RGS20: variants seen among roughly 807,000 people sequenced by gnomAD.
The protein encoded by RGS20 is gz-selective GTPase-activating protein.
In RGS20, 30 loss-of-function variants were observed where a neutral mutation model predicts 33.6. The ratio of observed to expected loss-of-function variants is 0.89; its 90% CI spans 0.67 to 1.21. RGS20 has a LOEUF of 1.21. Ranked by LOEUF, RGS20 falls within the 50% of genes most tolerant of loss-of-function variation. The pLI, the probability that RGS20 is intolerant of heterozygous loss-of-function variation, is 0.00. For synonymous variants in RGS20, 208 were observed against 197.9 expected, an observed-to-expected ratio of 1.05 and a Z score of -0.43; for missense variants, 472 against 502.4, an observed-to-expected ratio of 0.94 and a Z score of 0.58.
At chr8:53,861,844 C>T (rs1006439261) in intron 1 of RGS20, among the ~76,000 whole-genome samples, 2 of 152,148 alleles carry the variant, frequency 1.3e-5, no homozygotes, top group Non-Finnish European at 1.5e-5. Context: ...ATACCTGCAC[C>T]TGATTATTTT....
rs548213612 is a variant in RGS20, at chr8:53,939,666, G to A, written c.601G>A (p.Gly201Arg). ...CGCCGCCCCAGGCCAGCCCGGAGCG[G>A]GGAGTCGCGGGTCCAACGCATGCTG... The change falls in exon 3 of 6, where the codon GGG becomes AGG. Residue 201 changes from glycine (G) to arginine (R), a missense_variant. Gly to Arg is a moderately radical substitution (Grantham distance 125, BLOSUM62 -2). Around this residue, in one of 3 missense-constraint regions of RGS20, gnomAD observed 319 missense variants for 283.4 expected, o/e 1.13. Coordinates refer to ENST00000297313, the MANE Select transcript of RGS20 (RefSeq NM_170587.4). 5.7e-6 allele frequency: 9 copies of A among 1,581,942 alleles called. No homozygotes were observed. In the East Asian group the frequency reaches 1.4e-4, roughly 24 times the overall value.
chr8:53,895,549 G>C (rs1812833540), intron 2 of RGS20, among the ~76,000 whole-genome samples: 1 of 152,076 alleles, frequency 6.6e-6, no homozygotes, highest in African/African-American at 2.4e-5. Flanking sequence ...AAGAATTTCT[G>C]TTTATGACAG....
chr8:53,886,369 G>T (rs1260794879), intron 2 of RGS20, among the ~76,000 whole-genome samples: 3 of 152,164 alleles, frequency 2.0e-5, no homozygotes, highest in African/African-American at 7.2e-5. Context: ...AGATTACCTT[G>T]ATTCTAATCC....
At chr8:53,899,895 G>A (rs1455220690) in intron 2 of RGS20, among the ~76,000 whole-genome samples, 1 of 152,136 alleles carries the variant, frequency 6.6e-6, no homozygotes, top group South Asian at 2.1e-4. Flanking sequence ...ACCACTCACC[G>A]CCCTCAGCAG....
intron 5 of RGS20, 26 bp downstream of exon 4, chr8:53,954,336 C>A: frequency 6.8e-7 from 1 of 1,460,064 alleles, no homozygotes; most frequent in Non-Finnish European, 9.6e-7. Flanking sequence ...ATGCCTTTTC[C>A]CAAGGCTGTT....
chr8:53,944,363 C>T (rs935426490), intron 3 of RGS20, among the ~76,000 whole-genome samples: 10 of 152,066 alleles, frequency 6.6e-5, no homozygotes, highest in Non-Finnish European at 1.5e-4. Context: ...CATAGTGAAA[C>T]CCCGTCTCTA....
chr8:53,888,507 G>C (rs1018788249), intron 2 of RGS20, among the ~76,000 whole-genome samples: 1 of 152,062 alleles, frequency 6.6e-6, no homozygotes, highest in Non-Finnish European at 1.5e-5. Context: ...TCCTTATTGA[G>C]GGGGGCTGTC....
At chr8:53,924,940 G>A (rs1457733184) in intron 2 of RGS20, among the ~76,000 whole-genome samples, 2 of 152,156 alleles carry the variant, frequency 1.3e-5, no homozygotes, top group Non-Finnish European at 2.9e-5. Flanking sequence ...CCATCATAAG[G>A]AAGAGGAGAT....
intron 1 of RGS20, among the ~76,000 whole-genome samples, chr8:53,872,080 C>T (rs1248204715): frequency 2.6e-5 from 4 of 152,182 alleles, no homozygotes; most frequent in East Asian, 1.9e-4. Flanking sequence ...GTAAGCCATT[C>T]AACTGCTCAA....
intron 2 of RGS20, among the ~76,000 whole-genome samples, chr8:53,923,915 G>A (rs1813720188): frequency 6.6e-6 from 1 of 151,874 alleles, no homozygotes; most frequent in Non-Finnish European, 1.5e-5. Context: ...TATTATTTGA[G>A]CATCGCAACT....
intron 2 of RGS20, among the ~76,000 whole-genome samples, chr8:53,910,665 C>T (rs775706666): frequency 2.4e-4 from 37 of 152,134 alleles, no homozygotes; most frequent in Non-Finnish European, 4.4e-4. Context: ...TTCATAAGCA[C>T]CCAAAACAGG....
Position 53,875,513 on chromosome 8 carries a change from A to G in RGS20, c.166-3745A>G, listed in dbSNP as rs192609141. 2.0e-3 allele frequency among the ~76,000 whole-genome samples: 302 copies of G among 152,094 alleles called. 12 individuals are homozygous for G. The highest frequency in any genetic ancestry group is 2.0e-3 in the Non-Finnish European group (136 of 67,996). ...ACCCTAAGTCCCTTACTTGGCTAGT[A>G]ATACCTATGGCGAGAACAGAGGACC... On this transcript the variant is annotated intron_variant, in intron 1 of 5. Coordinates refer to ENST00000297313, the MANE Select transcript of RGS20 (RefSeq NM_170587.4).
intron 2 of RGS20, among the ~76,000 whole-genome samples, chr8:53,909,551 G>A (rs2129283226): frequency 6.6e-6 from 1 of 151,994 alleles, no homozygotes; most frequent in African/African-American, 2.4e-5. Flanking sequence ...ACCACACCCA[G>A]CCCCTTATGC....
At position 53,851,855 on chromosome 8, in the gene RGS20, G is replaced by T; in HGVS notation, c.-45G>T. Reference sequence around the variant, plus strand: ...AGAGTGGATCCTGTGCTAATATTGGGAAAACCAGGCAACAGGACTCATTTG... The same window carrying T: ...AGAGTGGATCCTGTGCTAATATTGGTAAAACCAGGCAACAGGACTCATTTG... On this transcript the variant is annotated 5_prime_UTR_variant, in exon 1 of 6. Coordinates refer to ENST00000297313, the MANE Select transcript of RGS20 (RefSeq NM_170587.4). 6.3e-7 allele frequency: 1 copy of T among 1,596,272 alleles called. No homozygotes were observed. The highest frequency in any genetic ancestry group is 1.1e-5 in the South Asian group (1 of 89,092).
chr8:53,878,258 C>T (rs1812253209), intron 1 of RGS20, among the ~76,000 whole-genome samples: 2 of 152,124 alleles, frequency 1.3e-5, no homozygotes, highest in South Asian at 4.1e-4. Flanking sequence ...AAACTAAGAG[C>T]GTCTCAAAGA....
chr8:53,946,464 C>A, intron 3 of RGS20: 1 of 623,502 alleles, frequency 1.6e-6, no homozygotes, highest in Non-Finnish European at 2.9e-6. Flanking sequence ...GTAGAAACCA[C>A]AACGTTTATT....
At chr8:53,904,664 A>ATACT (rs1208418648) in intron 2 of RGS20, among the ~76,000 whole-genome samples, 2 of 152,188 alleles carry the variant, frequency 1.3e-5, no homozygotes, top group African/African-American at 4.8e-5. Flanking sequence ...CAAGTGTTTA[A>ATACT]TACTTTCAGA....
intron 1 of RGS20, among the ~76,000 whole-genome samples, chr8:53,860,129 C>T (rs921593432): frequency 5.3e-5 from 8 of 152,100 alleles, no homozygotes; most frequent in Non-Finnish European, 8.8e-5. Flanking sequence ...TTTTACAGCT[C>T]CTGCATTTCA....
At chr8:53,922,048 T>G (rs188181138) in intron 2 of RGS20, among the ~76,000 whole-genome samples, 2 of 152,280 alleles carry the variant, frequency 1.3e-5, no homozygotes, top group East Asian at 3.9e-4. Context: ...CCTCTATTCA[T>G]ATGCTTGTTG....
Sources: gnomAD v4.1 joint callset for allele counts (sites outside exome capture counted in the v4.1 genomes callset) on GRCh38, gnomAD v4.1.1 for gene constraint, gnomAD v4.1.1 regional missense constraint, MANE v1.5 for transcripts, NCBI Gene and HGNC (gene_info 2026-07-23, HGNC 2026-07-21) for gene names.